Variants in SCAF1 observed in about 807,000 individuals in gnomAD.
SCAF1 encodes the protein SR-related CTD associated factor 1, also known as splicing factor, arginine/serine-rich 19.
A neutral mutation model predicts 91.2 loss-of-function variants in SCAF1; 28 were observed. The ratio of observed to expected loss-of-function variants is 0.31; its 90% CI spans 0.23 to 0.42. The LOEUF (loss-of-function observed/expected upper bound fraction) is 0.42, where lower values mean the gene tolerates loss of function less well. SCAF1 is among the 10% of genes least tolerant of loss of function. The probability of loss-of-function intolerance (pLI) is 1.00; values close to 1 mark genes in which losing one functional copy is unlikely to be tolerated. For synonymous variants in SCAF1, 1,036 were observed against 833.7 expected (o/e 1.24, Z -4.18); for missense variants, 1,893 against 1,872.1 (o/e 1.01, Z -0.21).
rs955850934 is a variant in SCAF1 at position 49,652,412 on chromosome 19, TGTG to T, written c.2027_2029del (p.Gly676del). 5.9e-5 allele frequency: 94 copies of T among 1,594,002 alleles called. No individual in the cohort carries two copies. The highest frequency in any genetic ancestry group is 9.4e-5 in the African/African-American group (7 of 74,582). On this transcript the variant is annotated inframe_deletion, in exon 7 of 11. Coordinates refer to ENST00000360565, the MANE Select transcript of SCAF1 (RefSeq NM_021228.3). The stretch of plus-strand genomic sequence containing the variant: ...CCCGCCGCCCTCTGGCTCCACCTCG[TGTG>T]GTGACCGCGACAGCCGCCGCCGGGG...
chr19:49,640,521 G>C (rs1258776927), upstream of SCAF1, among the ~76,000 whole-genome samples: 1 of 152,224 alleles, frequency 6.6e-6, no homozygotes, highest in Non-Finnish European at 1.5e-5. Flanking sequence ...CGAGGCCTTA[G>C]TATGGTAGGC....
rs2081162950 is a variant in SCAF1 at position 49,658,519 on chromosome 19, A to C, written c.*120A>C. The C allele has an allele frequency of 1.5e-6, 1 of 651,500 alleles. No homozygotes were observed. The highest frequency in any genetic ancestry group is 1.9e-5 in the South Asian group (1 of 53,290). The allele number at this position is 651,500 out of a possible 1,614,324, so 40.4% of individuals were successfully genotyped here. A position where few individuals can be genotyped will look rare whatever the true frequency, so the allele number is the denominator to read the frequency against. The stretch of plus-strand genomic sequence containing the variant: ...CTGGGGGAGGGTTGCTGCAGGGAAG[A>C]GGAGAGCCCCCTGCCCTGCCCTGCC... On this transcript the variant is annotated 3_prime_UTR_variant, in exon 11 of 11. Coordinates refer to ENST00000360565, the MANE Select transcript of SCAF1 (RefSeq NM_021228.3).
chr19:49,653,560 T>A lies in SCAF1; in HGVS notation c.3171T>A (p.Thr1057=). The A allele has an allele frequency of 6.3e-7, 1 of 1,585,762 alleles. No homozygotes were observed. Among genetic ancestry groups the A allele is most frequent in the Non-Finnish European group, 8.5e-7 (1 of 1,170,396 alleles). The change falls in exon 7 of 11, where the codon ACT becomes ACA. Residue 1057 remains threonine, a synonymous_variant. Coordinates refer to ENST00000360565, the MANE Select transcript of SCAF1 (RefSeq NM_021228.3). ...ATSTAAAAPS[T]APSAGSTAGD... is the part of the protein sequence containing the mutation. ...GCACTGCTGCAGCCGCCCCAAGCAC[T>A]GCCCCCAGCGCGGGGTCCACAGCCG... is the stretch of plus-strand genomic sequence containing the variant.
chr19:49,648,292 A>G (rs1005338274), intron 6 of SCAF1, among the ~76,000 whole-genome samples: 2 of 151,816 alleles, frequency 1.3e-5, no homozygotes, highest in African/African-American at 4.8e-5. Flanking sequence ...TTGTATTTTT[A>G]GTAGAGGTAG....
chr19:49,654,452 G>T, intron 8 of SCAF1, 21 bp downstream of exon 8: 1 of 1,607,222 alleles, frequency 6.2e-7, no homozygotes, highest in Non-Finnish European at 8.5e-7. Flanking sequence ...CTGGGGGAGA[G>T]TCCCTGCCGC....
Position 49,645,139 on chromosome 19 carries a change from G to A in SCAF1, c.108+5G>A. 1 of 1,612,590 alleles carries A rather than the reference G, an allele frequency of 6.2e-7. No individual in the cohort carries two copies. The highest frequency in any genetic ancestry group is 8.5e-7 in the Non-Finnish European group (1 of 1,178,748). On this transcript the variant is annotated splice_donor_5th_base_variant and intron_variant, in intron 2 of 10. Coordinates refer to ENST00000360565, the MANE Select transcript of SCAF1 (RefSeq NM_021228.3). This position sits in a 1 kb window ranked among gnomAD's most constrained non-coding sequence, Gnocchi z 4.6. Reference sequence around the variant, plus strand: ...TCTCCTTCTGCCTTTATCCTGGTGAGGCTGCTGGGCTCCTGGCACTGAGGG... The same window carrying A: ...TCTCCTTCTGCCTTTATCCTGGTGAAGCTGCTGGGCTCCTGGCACTGAGGG...
chr19:49,655,983 C>T (rs1416104517), intron 9 of SCAF1, among the ~76,000 whole-genome samples: 1 of 152,248 alleles, frequency 6.6e-6, no homozygotes, highest in Non-Finnish European at 1.5e-5. Flanking sequence ...GATGTGTTTT[C>T]TTACAGTCTA....
intron 9 of SCAF1, among the ~76,000 whole-genome samples, chr19:49,656,555 C>T (rs1358702436): frequency 6.6e-6 from 1 of 152,236 alleles, no homozygotes; most frequent in Non-Finnish European, 1.5e-5. Context: ...TCCCACGTGG[C>T]TCTCTGGCTA....
intron 1 of SCAF1, among the ~76,000 whole-genome samples, chr19:49,643,384 T>C (rs1379430561): frequency 6.6e-6 from 1 of 152,250 alleles, no homozygotes; most frequent in Non-Finnish European, 1.5e-5. Context: ...CTTCCACGAA[T>C]TGACATTTCC....
intron 6 of SCAF1, among the ~76,000 whole-genome samples, chr19:49,649,290 G>A (rs1362921846): frequency 3.9e-5 from 6 of 152,164 alleles, no homozygotes; most frequent in Non-Finnish European, 7.3e-5. Context: ...AGTATTTTGT[G>A]CTTAAGGTGC....
rs778786079 is a variant in SCAF1 at position 49,646,562 on chromosome 19, C to G, written c.298C>G (p.Leu100Val). Residue 100 changes from leucine to valine, a missense_variant, in exon 5 of 11, where the codon CTG becomes GTG. By Grantham distance (32) the Leu-to-Val change is conservative. Transcript: ENST00000360565. This position sits in a 1 kb window ranked among gnomAD's most constrained non-coding sequence, Gnocchi z 5.6. ...DMATDSFLAG[L>V]VSVLDPPDTW... ...GGCCACGGACAGCTTCCTCGCAGGG[C>G]TGGTGAGTGTCCTGGATCCCCCGGA... The G allele has an allele frequency of 6.2e-7, 1 of 1,614,114 alleles. No individual in the cohort carries two copies. Among genetic ancestry groups the G allele is most frequent in the Non-Finnish European group, 8.5e-7 (1 of 1,180,012 alleles).
chr19:49,653,644 C>A lies in SCAF1; in HGVS notation c.3255C>A (p.Pro1085=). 6.3e-7 allele frequency: 1 copy of A among 1,586,536 alleles called. No homozygotes were observed. ...ASRVSQLPTL[P]PPMPWNLPAG... ...GTGTCTCCCAGCTGCCCACGTTGCC[C>A]CCGCCCATGCCCTGGAATCTGCCAG... The change falls in exon 7 of 11, where the codon CCC becomes CCA. Residue 1085 remains proline, a synonymous_variant. Coordinates refer to ENST00000360565, the MANE Select transcript of SCAF1 (RefSeq NM_021228.3).
chr19:49,645,197 C>G lies in SCAF1; in HGVS notation c.108+63C>G. 6.5e-7 allele frequency: 1 copy of G among 1,542,448 alleles called. No individual in the cohort carries two copies. ...AGCTGGGCATCCACACTCCAGGGGC[C>G]TGACTCCAGGGCCTGAGGCAGGGGC... is the stretch of plus-strand genomic sequence containing the variant. On this transcript the variant is annotated intron_variant, in intron 2 of 10. Transcript: ENST00000360565. The surrounding 1 kb of genome is among the most constrained non-coding windows in gnomAD (Gnocchi z 4.6).
At chr19:49,654,319 T>G in intron 7 of SCAF1, 30 bp from the exon 8 acceptor site, 1 of 1,601,644 alleles carries the variant, frequency 6.2e-7, no homozygotes, top group South Asian at 1.1e-5. Flanking sequence ...CTCTCCCATC[T>G]TCATGTTGTC....
At chr19:49,641,637 C>A (rs1379678649), upstream of SCAF1, among the ~76,000 whole-genome samples, 2 of 152,048 alleles carry the variant, frequency 1.3e-5, no homozygotes, top group Non-Finnish European at 2.9e-5. Flanking sequence ...TTTTTAGAGG[C>A]GGGGTCTCCC....
At position 49,658,335 on chromosome 19, in the gene SCAF1, G is replaced by C. The variant is rs571788373; in HGVS notation, c.3875G>C (p.Arg1292Pro). The change falls in exon 11 of 11, where the codon CGG (arginine) becomes CCG (proline). Residue 1292 changes from arginine to proline, a missense_variant. This residue lies in a region of SCAF1 where 51 missense variants were observed against 49.9 expected (regional missense o/e 1.02). Coordinates refer to ENST00000360565, the MANE Select transcript of SCAF1 (RefSeq NM_021228.3). ...CCAGGGGACCCCCCAGGGCCCCCAC[G>C]GCCGCCCAAGGAGCCAGGGCCCCCA... Reference protein sequence around the residue: ...RKPGDPPGPPRPPKEPGPPDK... With the variant: ...RKPGDPPGPPPPPKEPGPPDK... 15 of 1,585,642 alleles carry C rather than the reference G, an allele frequency of 9.5e-6. No individual in the cohort carries two copies. The highest frequency in any genetic ancestry group is 1.3e-5 in the Non-Finnish European group (15 of 1,168,006).
intron 6 of SCAF1, among the ~76,000 whole-genome samples, chr19:49,649,240 G>C (rs1447775914): frequency 6.6e-6 from 1 of 152,158 alleles, no homozygotes; most frequent in Non-Finnish European, 1.5e-5. Flanking sequence ...ATATAAAGCT[G>C]TGGATCTCGC....
intron 10 of SCAF1, 51 bp from the exon 11 acceptor site, chr19:49,658,157 G>A (rs768109812): frequency 6.3e-5 from 99 of 1,577,324 alleles, no homozygotes; most frequent in Non-Finnish European, 1.1e-5. Flanking sequence ...GTCCTGGGTG[G>A]ATGGGGCCCC....
chr19:49,646,991 A>T lies in SCAF1; in HGVS notation c.478+161A>T, dbSNP rs73588404. On this transcript the variant is annotated intron_variant, in intron 6 of 10. Coordinates refer to ENST00000360565, the MANE Select transcript of SCAF1 (RefSeq NM_021228.3). The surrounding 1 kb of genome is among the most constrained non-coding windows in gnomAD (Gnocchi z 5.6). The stretch of plus-strand genomic sequence containing the variant: ...AGGCTGTAGGCGCATACAGATGTAC[A>T]TAAAGTAAAAACTGATGTGCTGGGG... 1.9e-3 allele frequency among the ~76,000 whole-genome samples: 294 copies of T among 152,376 alleles called. 1 individual carries two copies. The highest frequency in any genetic ancestry group is 6.9e-3 in the African/African-American group (287 of 41,590).
Sources: allele counts gnomAD v4.1 joint callset (sites outside exome capture counted in the v4.1 genomes callset), GRCh38; gene constraint gnomAD v4.1.1; regional missense constraint gnomAD v4.1.1; non-coding constraint Gnocchi (gnomAD v3.1); transcripts MANE v1.5; gene names NCBI Gene and HGNC (gene_info 2026-07-23, HGNC 2026-07-21).